Variants in PAPOLA observed in about 807,000 individuals in gnomAD.
PAPOLA encodes polynucleotide adenylyltransferase alpha.
PAPOLA carries 15 observed loss-of-function variants against 100.6 expected under a neutral mutation model. The observed-to-expected ratio is 0.15, with a 90% CI of 0.10 to 0.23. The LOEUF is 0.23. Among genes scored for constraint, PAPOLA ranks in the 10% least tolerant of loss-of-function variants. PAPOLA has a pLI of 1.00. For synonymous variants in PAPOLA, 293 were observed against 300.0 expected (o/e 0.98, Z 0.24); for missense variants, 533 against 884.2 (o/e 0.60, Z 5.04).
intron 1 of PAPOLA, 114 bp downstream of exon 1, chr14:96,502,714 G>C (rs1188849364): frequency 1.9e-5 from 23 of 1,193,186 alleles, no homozygotes; most frequent in Non-Finnish European, 2.5e-5. Flanking sequence ...CTCCCCGCTG[G>C]TAGGAGGCAG....
At chr14:96,505,376 A>G (rs548522499) in intron 1 of PAPOLA, among the ~76,000 whole-genome samples, 26 of 152,288 alleles carry the variant, frequency 1.7e-4, no homozygotes, top group East Asian at 1.9e-4. Context: ...TGATGCCCTT[A>G]TGGAAACTAG....
intron 11 of PAPOLA, 86 bp downstream of exon 11, chr14:96,536,085 TGAA>T (rs1326410714): frequency 1.9e-5 from 19 of 990,460 alleles, no homozygotes; most frequent in African/African-American, 3.3e-5. Context: ...CAACTTAAAT[TGAA>T]GAAGGATTCA....
chr14:96,555,984 A>G (rs774696661), intron 18 of PAPOLA, 37 bp downstream of exon 18: 1 of 1,397,080 alleles, frequency 7.2e-7, no homozygotes, highest in Non-Finnish European at 1.0e-6. Context: ...GAGAATTCTT[A>G]CATTATATTT....
At chr14:96,524,396 T>G (rs1385646221) in intron 3 of PAPOLA, among the ~76,000 whole-genome samples, 2 of 152,218 alleles carry the variant, frequency 1.3e-5, no homozygotes, top group African/African-American at 4.8e-5. Context: ...TCTAAATTAC[T>G]TCACTAAAGC....
chr14:96,542,969 A>G (rs1900113671), intron 14 of PAPOLA, 76 bp downstream of exon 14: 2 of 1,400,130 alleles, frequency 1.4e-6, no homozygotes, highest in Non-Finnish European at 2.0e-6. Flanking sequence ...GGCATTTTTT[A>G]TAACTAGTAT....
chr14:96,534,294 A>G lies in PAPOLA; in HGVS notation c.837-197A>G. 4.4e-6 allele frequency: 6 copies of G among 1,364,102 alleles called. No homozygotes were observed. The South Asian group carries it at 7.9e-5, about 18-fold the overall frequency. The allele number at this position is 1,364,102 out of a possible 1,614,324, so 84.5% of individuals were successfully genotyped here. A position where few individuals can be genotyped will look rare whatever the true frequency, so the allele number is the denominator to read the frequency against. On this transcript the variant is annotated intron_variant, in intron 9 of 21. Transcript: ENST00000216277. ...TGGTTTCAGTCTGAGAAGGCTACCA[A>G]ATGGTTTAAGTTCATTTCATAGTTA...
At chr14:96,559,597 A>G (rs1039672911) in intron 19 of PAPOLA, among the ~76,000 whole-genome samples, 10 of 141,476 alleles carry the variant, frequency 7.1e-5, no homozygotes, top group Admixed American at 1.4e-4. Context: ...ATATATATAT[A>G]CACACACACA....
At position 96,520,827 on chromosome 14, in the gene PAPOLA, A is replaced by G. The variant is rs1897896204; in HGVS notation, c.183-179A>G. On this transcript the variant is annotated intron_variant, in intron 2 of 21. Coordinates refer to ENST00000216277, the MANE Select transcript of PAPOLA (RefSeq NM_032632.5). ...AGTGTAACAGTGCCTGTATATATAT[A>G]TAGAAAGAGAGAGAGAGAGAAAGCG... 5.7e-6 allele frequency: 3 copies of G among 529,086 alleles called. No homozygotes were observed. The South Asian group carries it at 7.2e-5, about 13-fold the overall frequency. The allele number at this position is 529,086 out of a possible 1,614,324, so 32.8% of individuals were successfully genotyped here. A position where few individuals can be genotyped will look rare whatever the true frequency, so the allele number is the denominator to read the frequency against.
intron 1 of PAPOLA, among the ~76,000 whole-genome samples, chr14:96,509,301 T>C (rs1896944063): frequency 1.3e-5 from 2 of 152,212 alleles, no homozygotes; most frequent in African/African-American, 4.8e-5. Context: ...ATTGCCGAGA[T>C]TACAGGTGGC....
chr14:96,520,697 A>C (rs920447197), intron 2 of PAPOLA, among the ~76,000 whole-genome samples: 15 of 151,868 alleles, frequency 9.9e-5, no homozygotes, highest in African/African-American at 3.6e-4. Flanking sequence ...CTCTTCCCTT[A>C]ATTTTGATGT....
intron 1 of PAPOLA, among the ~76,000 whole-genome samples, chr14:96,513,820 C>A (rs985957483): frequency 6.6e-6 from 1 of 152,126 alleles, no homozygotes; most frequent in African/African-American, 2.4e-5. Context: ...CTCCTTTTAT[C>A]ATTTGCTTTA....
chr14:96,544,466 A>G (rs1460156251), intron 15 of PAPOLA, among the ~76,000 whole-genome samples: 1 of 152,034 alleles, frequency 6.6e-6, no homozygotes, highest in Non-Finnish European at 1.5e-5. Context: ...GGATTTTTTC[A>G]GATTTTGGAA....
chr14:96,522,116 C>CTTTTTTTTTT (rs754167531), intron 3 of PAPOLA, among the ~76,000 whole-genome samples: 9 of 57,838 alleles, frequency 1.6e-4, no homozygotes, highest in African/African-American at 2.9e-4. Flanking sequence ...TTCTTTCTTT[C>CTTTTTTTTTT]TTTTTTTTTT....
chr14:96,551,021 A>C (rs1900806963), intron 16 of PAPOLA, among the ~76,000 whole-genome samples: 1 of 152,212 alleles, frequency 6.6e-6, no homozygotes, highest in Non-Finnish European at 1.5e-5. Context: ...GTCTGACTGC[A>C]AAGTATGTGT....
chr14:96,566,653 A>G lies in PAPOLA; in HGVS notation c.*1603A>G, dbSNP rs954630349. The G allele has an allele frequency of 5.2e-5, 8 of 152,528 alleles. No individual in the cohort carries two copies. The highest frequency in any genetic ancestry group is 1.9e-4 in the African/African-American group (8 of 41,430). The allele number at this position is 152,528 out of a possible 1,614,324, so 9.4% of individuals were successfully genotyped here. A position where few individuals can be genotyped will look rare whatever the true frequency, so the allele number is the denominator to read the frequency against. ...CACCATGACTTTATAATGTCTAGTA[A>G]ACAATATTTCTACTTCCCACATCTT... On this transcript the variant is annotated 3_prime_UTR_variant, in exon 22 of 22. Transcript: ENST00000216277.
chr14:96,554,707 A>C (rs1234835458), intron 17 of PAPOLA, among the ~76,000 whole-genome samples: 1 of 152,156 alleles, frequency 6.6e-6, no homozygotes, highest in Non-Finnish European at 1.5e-5. Flanking sequence ...AGGTAATAAA[A>C]CCGTGAATTT....
At chr14:96,564,581 G>T (rs1902132234) in intron 21 of PAPOLA, among the ~76,000 whole-genome samples, 1 of 151,914 alleles carries the variant, frequency 6.6e-6, no homozygotes, top group South Asian at 2.1e-4. Context: ...TCCCACTTGG[G>T]GGTGCTCCAA....
intron 3 of PAPOLA, among the ~76,000 whole-genome samples, chr14:96,524,865 T>C (rs145090802): frequency 1.3e-5 from 2 of 152,296 alleles, no homozygotes; most frequent in African/African-American, 4.8e-5. Context: ...AAAAATACTC[T>C]AATATGTTGT....
intron 6 of PAPOLA, among the ~76,000 whole-genome samples, chr14:96,530,008 A>T (rs554938932): frequency 6.6e-6 from 1 of 152,236 alleles, no homozygotes; most frequent in East Asian, 1.9e-4. Context: ...TACAGACATA[A>T]AAGTTCTCAG....
Sources: gnomAD v4.1 joint callset for allele counts (sites outside exome capture counted in the v4.1 genomes callset) on GRCh38, gnomAD v4.1.1 for gene constraint, MANE v1.5 for transcripts, NCBI Gene and HGNC (gene_info 2026-07-23, HGNC 2026-07-21) for gene names.